The following AKAP9 variants were observed in gnomAD, a reference collection of about 807,000 sequenced individuals.
AKAP9 encodes A-kinase anchor protein 9.
AKAP9 carries 311 observed loss-of-function variants against 488.5 expected under a neutral mutation model. The observed-to-expected ratio is 0.64, with a 90% CI of 0.58 to 0.70. The LOEUF is 0.70. Ranked by LOEUF, AKAP9 falls within the 30% of genes least tolerant of loss-of-function variation. The pLI, the probability that AKAP9 is intolerant of heterozygous loss-of-function variation, is 0.00. For synonymous variants in AKAP9, 1,462 were observed against 1,483.5 expected (o/e 0.99, Z 0.33); for missense variants, 4,215 against 4,374.5 (o/e 0.96, Z 1.03).
rs369837372 is a variant in AKAP9 at position 92,012,400 on chromosome 7, T to C, written c.3319-29T>C. The C allele has an allele frequency of 1.1e-3, 1,756 of 1,561,206 alleles. 34 individuals are homozygous for C. The South Asian group carries it at 0.018, about 16-fold the overall frequency. On this transcript the variant is annotated intron_variant, in intron 8 of 49. Coordinates refer to ENST00000356239, the MANE Select transcript of AKAP9 (RefSeq NM_005751.5). Reference sequence around the variant, plus strand: ...TTATTTGATTTGTCATTTAAGAATATTATAATGTTTACATATGTTTACTTT... The same window carrying C: ...TTATTTGATTTGTCATTTAAGAATACTATAATGTTTACATATGTTTACTTT...
chr7:91,949,298 C>T (rs1307358575), intron 1 of AKAP9, among the ~76,000 whole-genome samples: 1 of 151,920 alleles, frequency 6.6e-6, no homozygotes, highest in Non-Finnish European at 1.5e-5. Context: ...TGGGCTTTGC[C>T]AAAATTTAAA....
chr7:91,973,745 A>G lies in AKAP9; in HGVS notation c.83A>G (p.Asp28Gly). ...AQFRQRKAQSDGQSPSKKQKK... is the reference protein window; with the variant it reads ...AQFRQRKAQSGGQSPSKKQKK... ...TTTCGACAAAGAAAAGCTCAGTCGGATGGGCAGAGTCCTTCCAAGAAGCAG... is the reference window on the plus strand; with the variant it reads ...TTTCGACAAAGAAAAGCTCAGTCGGGTGGGCAGAGTCCTTCCAAGAAGCAG... Residue 28 changes from aspartate to glycine, a missense_variant, in exon 2 of 50, where the codon GAT becomes GGT. Asp to Gly is a moderately conservative substitution (Grantham distance 94). Coordinates refer to ENST00000356239, the MANE Select transcript of AKAP9 (RefSeq NM_005751.5). The G allele has an allele frequency of 6.2e-7, 1 of 1,614,048 alleles. No individual in the cohort carries two copies. The highest frequency in any genetic ancestry group is 1.6e-4 in the Middle Eastern group (1 of 6,062).
chr7:91,955,193 G>A (rs1792811858), intron 1 of AKAP9, among the ~76,000 whole-genome samples: 1 of 152,006 alleles, frequency 6.6e-6, no homozygotes, highest in African/African-American at 2.4e-5. Context: ...GAGAGGCAGG[G>A]GTGTCATGGA....
At chr7:92,052,988 G>T in intron 22 of AKAP9, 30 bp downstream of exon 22, 1 of 1,513,964 alleles carries the variant, frequency 6.6e-7, no homozygotes, top group South Asian at 1.1e-5. Context: ...AATATGTACT[G>T]AGTTTGAAGT....
chr7:92,063,533 G>C, intron 24 of AKAP9: 1 of 982,972 alleles, frequency 1.0e-6, no homozygotes, highest in African/African-American at 1.7e-5. Flanking sequence ...CCAATGTTTG[G>C]GTGGTAGACT....
chr7:92,103,300 G>C (rs947216375), intron 46 of AKAP9, among the ~76,000 whole-genome samples: 43 of 142,408 alleles, frequency 3.0e-4, no homozygotes, highest in African/African-American at 1.1e-3. Flanking sequence ...TGAGGCAGGA[G>C]AATCACTTGA....
chr7:92,060,199 A>G (rs1004710071), intron 22 of AKAP9, among the ~76,000 whole-genome samples: 5 of 152,082 alleles, frequency 3.3e-5, no homozygotes, highest in Non-Finnish European at 7.4e-5. Context: ...ATTTTGTAAT[A>G]CATTTTCAAT....
intron 47 of AKAP9, 63 bp downstream of exon 47, chr7:92,105,826 C>T (rs1306035655): frequency 7.2e-7 from 1 of 1,394,218 alleles, no homozygotes; most frequent in South Asian, 1.2e-5. Context: ...TCCCCCACCC[C>T]CAGACTATGG....
intron 3 of AKAP9, among the ~76,000 whole-genome samples, chr7:91,984,552 G>A (rs561916924): frequency 1.3e-5 from 2 of 152,300 alleles, no homozygotes; most frequent in South Asian, 4.1e-4. Context: ...ATAGTTTGAA[G>A]TCAGGTAGTG....
chr7:91,989,046 C>T (rs981151160), intron 3 of AKAP9, among the ~76,000 whole-genome samples: 12 of 152,236 alleles, frequency 7.9e-5, no homozygotes, highest in East Asian at 5.8e-4. Context: ...ATACATTAGA[C>T]GTTCAGCAAA....
At chr7:92,018,681 C>T (rs1488800984) in intron 12 of AKAP9, among the ~76,000 whole-genome samples, 2 of 152,088 alleles carry the variant, frequency 1.3e-5, no homozygotes, top group African/African-American at 2.4e-5. Flanking sequence ...ACATTTTCTT[C>T]CCTTAGCTTC....
At chr7:92,086,057 T>A (rs1814502720) in intron 36 of AKAP9, among the ~76,000 whole-genome samples, 171 bp from the exon 37 acceptor site, 1 of 152,054 alleles carries the variant, frequency 6.6e-6, no homozygotes, top group African/African-American at 2.4e-5. Flanking sequence ...GCCACTGCAC[T>A]CCAGCCTGAG....
At position 92,101,028 on chromosome 7, in the gene AKAP9, G is replaced by C. The variant is rs1408154917; in HGVS notation, c.11069G>C (p.Ser3690Thr). The C allele has an allele frequency of 6.2e-7, 1 of 1,613,926 alleles. No homozygotes were observed. Among genetic ancestry groups the C allele is most frequent in the East Asian group, 2.2e-5 (1 of 44,866 alleles). ...LRNDSLLQTL[S>T]PDSEHVTLKR... The stretch of plus-strand genomic sequence containing the variant: ...AATGACTCTTTACTTCAAACTCTGA[G>C]CCCTGATTCTGAACATGTCACTTTA... The change falls in exon 45 of 50, where the codon AGC becomes ACC. Residue 3690 changes from serine (S) to threonine (T), a missense_variant. This residue lies in a region of AKAP9 where 253 missense variants were observed against 266.8 expected (regional missense o/e 0.95). Transcript: ENST00000356239.
Position 92,014,329 on chromosome 7 carries a change from G to A in AKAP9, c.3612+1G>A, listed in dbSNP as rs1801203713. Reference sequence around the variant, plus strand: ...TGAAGAATGTTCTTATTTTTTACAGGTAAAATGTTTAAAAGTACTTTTATG... The same window carrying A: ...TGAAGAATGTTCTTATTTTTTACAGATAAAATGTTTAAAAGTACTTTTATG... On this transcript the variant is annotated splice_donor_variant, in intron 10 of 49. Coordinates refer to ENST00000356239, the MANE Select transcript of AKAP9 (RefSeq NM_005751.5). LOFTEE classifies it high-confidence loss of function. The A allele has an allele frequency of 6.2e-7, 1 of 1,604,448 alleles. No individual in the cohort carries two copies. The highest frequency in any genetic ancestry group is 8.5e-7 in the Non-Finnish European group (1 of 1,172,120).
At chr7:92,023,666 G>A (rs1562999892) in intron 14 of AKAP9, among the ~76,000 whole-genome samples, 3 of 152,096 alleles carry the variant, frequency 2.0e-5, no homozygotes, top group Admixed American at 6.5e-5. Flanking sequence ...AGTTAAAGCA[G>A]GTGCCAGAAT....
intron 22 of AKAP9, chr7:92,058,377 T>C (rs746363928): frequency 5.4e-6 from 3 of 557,458 alleles, no homozygotes; most frequent in Non-Finnish European, 1.1e-5. Context: ...ATATTAAAGC[T>C]TATTTCTAAA....
At chr7:91,984,341 T>TGCATATGGCTAGCCAGTTTTCC (rs1796796346) in intron 3 of AKAP9, among the ~76,000 whole-genome samples, 1 of 152,250 alleles carries the variant, frequency 6.6e-6, no homozygotes, top group African/African-American at 2.4e-5. Flanking sequence ...TTCAGTTTTC[T>TGCATATGGCTAGCCAGTTTTCC]GCATATGGCT....
At chr7:91,971,327 T>TA (rs1429215211) in intron 1 of AKAP9, among the ~76,000 whole-genome samples, 1 of 152,154 alleles carries the variant, frequency 6.6e-6, no homozygotes, top group Admixed American at 6.5e-5. Flanking sequence ...TTTTGATTTA[T>TA]AAAAAACTTT....
At position 92,076,889 on chromosome 7, in the gene AKAP9, G is replaced by T; in HGVS notation, c.6647G>T (p.Arg2216Ile). Residue 2216 changes from arginine (R) to isoleucine (I), a missense_variant, in exon 29 of 50, where the codon AGA (arginine) becomes ATA (isoleucine). Physicochemically the swap from Arg to Ile is moderately conservative, Grantham distance 97. Transcript: ENST00000356239. ...TNLEEQLEQF[R>I]EELENKNEEV... is the part of the protein sequence containing the mutation. ...TTAGAAGAGCAATTAGAACAGTTTA[G>T]AGAAGAACTGGAAAATAAGAATGAA... 1 of 1,500,286 alleles carries T rather than the reference G, an allele frequency of 6.7e-7. No homozygotes were observed. The highest frequency in any genetic ancestry group is 9.1e-7 in the Non-Finnish European group (1 of 1,094,320). 92.9% of individuals were successfully genotyped at this position (1,500,286 alleles called of 1,614,324 possible).
Sources: allele counts gnomAD v4.1 joint callset (sites outside exome capture counted in the v4.1 genomes callset), GRCh38; gene constraint gnomAD v4.1.1; regional missense constraint gnomAD v4.1.1; transcripts MANE v1.5; gene names NCBI Gene and HGNC (gene_info 2026-07-23, HGNC 2026-07-21).